NTN1: variants seen among roughly 807,000 people sequenced by gnomAD.
NTN1 encodes the protein netrin 1.
Under a neutral mutation model 54.2 loss-of-function variants are expected in NTN1, and 11 were observed. The ratio of observed to expected loss-of-function variants is 0.20; its 90% CI spans 0.13 to 0.34. The LOEUF (loss-of-function observed/expected upper bound fraction) is 0.34, where lower values mean the gene tolerates loss of function less well. Ranked by LOEUF, NTN1 falls within the 10% of genes least tolerant of loss-of-function variation. The probability of loss-of-function intolerance (pLI) is 1.00; values close to 1 mark genes in which losing one functional copy is unlikely to be tolerated. For missense variants in NTN1, 740 were observed against 893.1 expected (o/e 0.83, Z 2.18); for synonymous variants, 371 against 382.0 (o/e 0.97, Z 0.33).
chr17:9,159,095 G>A (rs1035296177), intron 2 of NTN1, among the ~76,000 whole-genome samples: 1 of 152,144 alleles, frequency 6.6e-6, no homozygotes, highest in Non-Finnish European at 1.5e-5. Context: ...ACAAATTAAA[G>A]TAACATGTGA....
At chr17:9,027,603 GCTAGAA>G (rs1235692960) in intron 2 of NTN1, among the ~76,000 whole-genome samples, 3 of 152,310 alleles carry the variant, frequency 2.0e-5, no homozygotes, top group Admixed American at 2.0e-4. Context: ...ATTGCTTCTT[GCTAGAA>G]CTGGGCGTGG....
chr17:9,100,645 A>G (rs930222642), intron 2 of NTN1, among the ~76,000 whole-genome samples: 2 of 152,150 alleles, frequency 1.3e-5, no homozygotes. Context: ...GAACTATATC[A>G]TGTGTATAGC....
chr17:9,116,591 G>A lies in NTN1; in HGVS notation c.1019-46222G>A, dbSNP rs569005634. 6.4e-4 allele frequency among the ~76,000 whole-genome samples: 98 copies of A among 152,250 alleles called. 2 individuals carry two copies. The highest frequency in any genetic ancestry group is 2.2e-3 in the African/African-American group (90 of 41,534). ...GGCTTTCTGTAGATAGTGGGGCTGC[G>A]GAAGACGGTGCCTGCCTCGGCTTGA... On this transcript the variant is annotated intron_variant, in intron 2 of 6. Coordinates refer to ENST00000173229, the MANE Select transcript of NTN1 (RefSeq NM_004822.3).
At chr17:9,006,042 T>G in the NTN1 span, among the ~76,000 whole-genome samples, 17 of 152,206 alleles carry the variant, frequency 1.1e-4, 1 homozygote, top group African/African-American at 4.1e-4. Context: ...GTGTGAGCTG[T>G]GGCCCAGAAT....
chr17:9,207,495 C>T (rs959684703), intron 5 of NTN1, among the ~76,000 whole-genome samples: 1 of 152,180 alleles, frequency 6.6e-6, no homozygotes, highest in African/African-American at 2.4e-5. Flanking sequence ...CGCTCACCCC[C>T]GCTTAATAAA....
intron 2 of NTN1, among the ~76,000 whole-genome samples, chr17:9,158,348 C>A (rs942054960): frequency 6.6e-6 from 1 of 152,128 alleles, no homozygotes; most frequent in Admixed American, 6.5e-5. Flanking sequence ...TTAGGGCAGG[C>A]CCCTCTGGAA....
intron 5 of NTN1, among the ~76,000 whole-genome samples, chr17:9,183,852 AGAGTGTACC>A (rs1353590572): frequency 6.6e-6 from 1 of 152,208 alleles, no homozygotes; most frequent in Admixed American, 6.5e-5. Context: ...GTCGGCACTC[AGAGTGTACC>A]GAGCCCTGCC....
At chr17:9,003,202 C>G in the NTN1 span, among the ~76,000 whole-genome samples, 9 of 151,970 alleles carry the variant, frequency 5.9e-5, no homozygotes, top group Non-Finnish European at 1.0e-4. This position sits in a 1 kb window ranked among gnomAD's most constrained non-coding sequence, Gnocchi z 7.4. Context: ...CGCGGCTGCC[C>G]CGCGCTCGGG....
At position 9,023,060 on chromosome 17, in the gene NTN1, G is replaced by A; in HGVS notation, c.687G>A (p.Ala229=). 1.3e-6 allele frequency: 2 copies of A among 1,580,120 alleles called. No individual in the cohort carries two copies. Among genetic ancestry groups the A allele is most frequent in the Admixed American group, 1.8e-5 (1 of 55,254 alleles). ...AFSTLDGRPS[A]HDFDNSPVLQ... is the part of the protein sequence containing the mutation. ...GCACGCTGGACGGGCGGCCCTCGGC[G>A]CACGACTTCGACAACTCGCCCGTGC... Residue 229 remains alanine (A), a synonymous_variant, in exon 2 of 7, where the codon GCG becomes GCA. Coordinates refer to ENST00000173229, the MANE Select transcript of NTN1 (RefSeq NM_004822.3).
rs528040133 is a variant in NTN1, at chr17:9,064,179, A to G, written c.1018+40788A>G. ...AGTTGTTTAGGGTCGTTTGTATGTA[A>G]ATCCTTGCATCCATTCATTCATCGG... On this transcript the variant is annotated intron_variant, in intron 2 of 6. Transcript: ENST00000173229. Among the ~76,000 whole-genome samples, 41 of 152,218 alleles carry G rather than the reference A, an allele frequency of 2.7e-4. 1 individual carries two copies. Among genetic ancestry groups the G allele is most frequent in the African/African-American group, 9.9e-4 (41 of 41,516 alleles).
intron 6 of NTN1, among the ~76,000 whole-genome samples, chr17:9,234,371 C>G: frequency 6.6e-6 from 1 of 152,156 alleles, no homozygotes. Flanking sequence ...ACTGCACAGA[C>G]GAGGGGTGGC....
rs918419971 is a variant in NTN1 at position 9,219,405 on chromosome 17, C to T, written c.1412-1763C>T. On this transcript the variant is annotated intron_variant, in intron 5 of 6. Transcript: ENST00000173229. The surrounding 1 kb of genome is among the most constrained non-coding windows in gnomAD (Gnocchi z 4.5). ...GAGCAGGGGTGTCATGAAGGGGCTC[C>T]GAGGGCTCAGATCATAGGGAGCAGG... 4.6e-5 allele frequency among the ~76,000 whole-genome samples: 7 copies of T among 152,250 alleles called. No individual in the cohort carries two copies. The highest frequency in any genetic ancestry group is 9.6e-5 in the African/African-American group (4 of 41,556).
intron 2 of NTN1, among the ~76,000 whole-genome samples, chr17:9,026,052 G>A (rs1422571207): frequency 6.6e-6 from 1 of 152,066 alleles, no homozygotes; most frequent in Non-Finnish European, 1.5e-5. Flanking sequence ...ATAACAATGA[G>A]CCTATTACTG....
intron 2 of NTN1, among the ~76,000 whole-genome samples, chr17:9,079,082 A>G (rs1479531945): frequency 6.6e-6 from 1 of 152,194 alleles, no homozygotes; most frequent in Non-Finnish European, 1.5e-5. Context: ...ACCCATGGGC[A>G]GGAAGAGGGC....
rs538161933 is a variant in NTN1 at position 9,221,658 on chromosome 17, G to C, written c.1486+416G>C. ...ATCAGACAAGGGCTGGGAGCTCCCC[G>C]GTGCATTTCCAGTGTTCCGCCAGGC... On this transcript the variant is annotated intron_variant, in intron 6 of 6. Coordinates refer to ENST00000173229, the MANE Select transcript of NTN1 (RefSeq NM_004822.3). The surrounding 1 kb of genome is among the most constrained non-coding windows in gnomAD (Gnocchi z 4.5). Among the ~76,000 whole-genome samples the C allele has an allele frequency of 6.6e-6, 1 of 152,230 alleles. No individual in the cohort carries two copies. Among genetic ancestry groups the C allele is most frequent in the Non-Finnish European group, 1.5e-5 (1 of 68,032 alleles).
At chr17:9,189,797 C>A (rs1904403435) in intron 5 of NTN1, among the ~76,000 whole-genome samples, 1 of 152,230 alleles carries the variant, frequency 6.6e-6, no homozygotes, top group Non-Finnish European at 1.5e-5. Context: ...TCAAAAGCCA[C>A]TGCCTTTTAC....
intron 2 of NTN1, among the ~76,000 whole-genome samples, chr17:9,063,009 A>G (rs1211049656): frequency 2.0e-5 from 3 of 152,276 alleles, no homozygotes; most frequent in East Asian, 3.9e-4. Context: ...ATCCTGTCCC[A>G]GAGATGAGAC....
intron 2 of NTN1, among the ~76,000 whole-genome samples, chr17:9,146,351 C>T (rs2092313258): frequency 6.6e-6 from 1 of 152,202 alleles, no homozygotes; most frequent in Admixed American, 6.5e-5. Flanking sequence ...GAAGGCTGCC[C>T]TCAGCTCCCA....
intron 5 of NTN1, among the ~76,000 whole-genome samples, chr17:9,210,427 C>A (rs989074187): frequency 2.4e-5 from 2 of 83,246 alleles, no homozygotes; most frequent in Non-Finnish European, 5.0e-5. Flanking sequence ...CGTGCACACA[C>A]ACACACACCC....
Sources: allele counts gnomAD v4.1 joint callset (sites outside exome capture counted in the v4.1 genomes callset), GRCh38; gene constraint gnomAD v4.1.1; non-coding constraint Gnocchi (gnomAD v3.1); transcripts MANE v1.5; gene names NCBI Gene and HGNC (gene_info 2026-07-23, HGNC 2026-07-21).